Variants in IGSF10 observed in about 807,000 individuals in gnomAD.
IGSF10 encodes the protein immunoglobulin superfamily member 10.
A neutral mutation model predicts 128.2 loss-of-function variants in IGSF10; 126 were observed. The observed-to-expected ratio is 0.98, with a 90% CI of 0.85 to 1.14. The LOEUF (loss-of-function observed/expected upper bound fraction) is 1.14, where lower values mean the gene tolerates loss of function less well. Ranked by LOEUF, IGSF10 falls within the 50% of genes most tolerant of loss-of-function variation. IGSF10 has a pLI of 0.00. For synonymous variants in IGSF10, 1,185 were observed against 1,146.2 expected (o/e 1.03, Z -0.68); for missense variants, 3,295 against 3,149.8 (o/e 1.05, Z -1.10).
At chr3:151,452,433 A>T (rs1721554354) in intron 5 of IGSF10, among the ~76,000 whole-genome samples, 1 of 152,224 alleles carries the variant, frequency 6.6e-6, no homozygotes, top group Non-Finnish European at 1.5e-5. Flanking sequence ...TTATGTATCT[A>T]AACTTAGAAA....
At chr3:151,595,277 A>C in the IGSF10 span, among the ~76,000 whole-genome samples, 1 of 151,662 alleles carries the variant, frequency 6.6e-6, no homozygotes, top group Non-Finnish European at 1.5e-5. Context: ...TATATACCCA[A>C]GGGAAATGAA....
chr3:151,544,280 G>T, the IGSF10 span, among the ~76,000 whole-genome samples: 1 of 152,288 alleles, frequency 6.6e-6, no homozygotes, highest in East Asian at 1.9e-4. Context: ...AGAACATTCT[G>T]CAGGGGCCCT....
Position 151,448,604 on chromosome 3 carries a change from A to AGTGATTTGAGCATCACTGGAGTAC in IGSF10, c.1353_1376dup (p.Tyr452_Thr459dup), listed in dbSNP as rs772802609. On this transcript the variant is annotated inframe_insertion, in exon 6 of 8. Coordinates refer to ENST00000282466, the MANE Select transcript of IGSF10 (RefSeq NM_178822.5). ...CTGGCCTCATCTCTGCTCTTGGTAA[A>AGTGATTTGAGCATCACTGGAGTAC]GTGATTTGAGCATCACTGGAGTACT... The AGTGATTTGAGCATCACTGGAGTAC allele has an allele frequency of 4.2e-5, 68 of 1,614,012 alleles. No individual in the cohort carries two copies. Among genetic ancestry groups the AGTGATTTGAGCATCACTGGAGTAC allele is most frequent in the Non-Finnish European group, 5.2e-5 (61 of 1,180,034 alleles).
the IGSF10 span, among the ~76,000 whole-genome samples, chr3:151,547,643 G>A: frequency 6.6e-6 from 1 of 152,026 alleles, no homozygotes; most frequent in African/African-American, 2.4e-5. Flanking sequence ...CTTTGCCTCT[G>A]GGTTGTATGG....
chr3:151,538,211 G>T, the IGSF10 span, among the ~76,000 whole-genome samples: 2 of 152,138 alleles, frequency 1.3e-5, no homozygotes, highest in Admixed American at 6.5e-5. Context: ...AGGTTTCTTA[G>T]AATTGTGATG....
rs2108516532 is a variant in IGSF10 at position 151,436,510 on chromosome 3, T to G, written c.*179A>C. The G allele has an allele frequency of 2.0e-6, 1 of 494,668 alleles. No homozygotes were observed. Among genetic ancestry groups the G allele is most frequent in the Middle Eastern group, 5.3e-4 (1 of 1,874 alleles). 30.6% of individuals were successfully genotyped at this position (494,668 alleles called of 1,614,324 possible). On this transcript the variant is annotated 3_prime_UTR_variant, in exon 8 of 8. Transcript: ENST00000282466. ...AAAGTTTGTTTTGAGATCCATTAAA[T>G]AAATCAGTATCATCAGTTCATAATG... is the stretch of plus-strand genomic sequence containing the variant.
upstream of IGSF10, among the ~76,000 whole-genome samples, chr3:151,466,034 T>G (rs1436185989): frequency 6.6e-6 from 1 of 152,236 alleles, no homozygotes; most frequent in Non-Finnish European, 1.5e-5. Context: ...TTCCTTTTTT[T>G]GTCTATAAAT....
At chr3:151,596,490 G>A in the IGSF10 span, among the ~76,000 whole-genome samples, 3 of 152,104 alleles carry the variant, frequency 2.0e-5, no homozygotes, top group Non-Finnish European at 2.9e-5. Context: ...GTGTGTGTGT[G>A]TGTGTGTATT....
In IGSF10 at chr3:151,436,566, G is replaced by A; in HGVS notation, c.*123C>T. 1.5e-6 allele frequency: 1 copy of A among 654,816 alleles called. No homozygotes were observed. Among genetic ancestry groups the A allele is most frequent in the Non-Finnish European group, 2.6e-6 (1 of 387,650 alleles). 40.6% of individuals were successfully genotyped at this position (654,816 alleles called of 1,614,324 possible). The stretch of plus-strand genomic sequence containing the variant: ...ATTTACAAGTCCTTTTATTTTGCAT[G>A]TTCATTGTAAATTTAATACTGTAAA... On this transcript the variant is annotated 3_prime_UTR_variant, in exon 8 of 8. Transcript: ENST00000282466.
At chr3:151,608,843 G>A in the IGSF10 span, among the ~76,000 whole-genome samples, 2 of 152,176 alleles carry the variant, frequency 1.3e-5, no homozygotes, top group East Asian at 1.9e-4. Flanking sequence ...GACACTAAAA[G>A]GTGGATATAA....
In IGSF10 at chr3:151,445,943, T is replaced by C. The variant is rs780358755; in HGVS notation, c.4038A>G (p.Arg1346=). The change falls in exon 6 of 8, where the codon AGA becomes AGG. Residue 1346 remains arginine, a synonymous_variant. Coordinates refer to ENST00000282466, the MANE Select transcript of IGSF10 (RefSeq NM_178822.5). The part of the protein sequence containing the change: ...TERSRAQTIQ[R]EQEPQKKNRT... ...TGTTCTTCTTTTGAGGCTCCTGTTC[T>C]CTTTGTATTGTTTGTGCTCTAGATC... The C allele has an allele frequency of 6.2e-7, 1 of 1,614,204 alleles. No homozygotes were observed. Among genetic ancestry groups the C allele is most frequent in the Admixed American group, 1.7e-5 (1 of 60,024 alleles).
chr3:151,519,860 T>G, the IGSF10 span, among the ~76,000 whole-genome samples: 1 of 151,790 alleles, frequency 6.6e-6, no homozygotes, highest in South Asian at 2.1e-4. Flanking sequence ...CATCTCCCAG[T>G]GAGAACATAT....
the IGSF10 span, among the ~76,000 whole-genome samples, chr3:151,501,837 A>T: frequency 1.3e-5 from 2 of 152,068 alleles, no homozygotes; most frequent in Non-Finnish European, 2.9e-5. Context: ...CAATATCAAC[A>T]TTGTTTTTGG....
At chr3:151,474,925 A>G in the IGSF10 span, among the ~76,000 whole-genome samples, 1 of 152,270 alleles carries the variant, frequency 6.6e-6, no homozygotes, top group Admixed American at 6.5e-5. Flanking sequence ...TTCCCCCATG[A>G]TTCAATTACC....
the IGSF10 span, among the ~76,000 whole-genome samples, chr3:151,544,594 T>A: frequency 6.6e-5 from 10 of 152,260 alleles, no homozygotes; most frequent in African/African-American, 1.9e-4. Flanking sequence ...ACCCACCCTG[T>A]TTTAGTTTTG....
the IGSF10 span, among the ~76,000 whole-genome samples, chr3:151,522,283 T>C: frequency 7.8e-4 from 119 of 152,252 alleles, no homozygotes; most frequent in African/African-American, 2.8e-3. Flanking sequence ...GCTGGTATCA[T>C]TCCTACAGAA....
At chr3:151,537,026 T>A in the IGSF10 span, among the ~76,000 whole-genome samples, 3 of 152,326 alleles carry the variant, frequency 2.0e-5, no homozygotes, top group South Asian at 4.1e-4. Flanking sequence ...TTGTTCTTTA[T>A]TCGAGCATTT....
the IGSF10 span, among the ~76,000 whole-genome samples, chr3:151,514,093 A>C: frequency 2.6e-5 from 4 of 152,210 alleles, no homozygotes; most frequent in East Asian, 5.8e-4. Flanking sequence ...GCTACCAATG[A>C]CTTTCTTCAC....
At position 151,443,229 on chromosome 3, in the gene IGSF10, G is replaced by T; in HGVS notation, c.5718C>A (p.Asn1906Lys). Residue 1906 changes from asparagine to lysine, a missense_variant, in exon 7 of 8, where the codon AAC (asparagine) becomes AAA (lysine). Transcript: ENST00000282466. ...AAGTGCCCCTGTCTGAAGAGGCTAG[G>T]TTTCTTATATACAAAGTCCCATTTG... ...LFSNGTLYIR[N>K]LASSDRGTYE... The T allele has an allele frequency of 6.2e-7, 1 of 1,613,256 alleles. No individual in the cohort carries two copies. The highest frequency in any genetic ancestry group is 8.5e-7 in the Non-Finnish European group (1 of 1,179,614).
Sources: gnomAD v4.1 joint callset for allele counts (sites outside exome capture counted in the v4.1 genomes callset) on GRCh38, gnomAD v4.1.1 for gene constraint, MANE v1.5 for transcripts, NCBI Gene and HGNC (gene_info 2026-07-23, HGNC 2026-07-21) for gene names.